Variants in CNTNAP2 observed in about 807,000 individuals in gnomAD.
The protein encoded by CNTNAP2 is contactin-associated protein-like 2.
Under a neutral mutation model 155.2 loss-of-function variants are expected in CNTNAP2, and 98 were observed. That is an observed-to-expected ratio of 0.63 (90% CI 0.54 to 0.75). The LOEUF is 0.75. Among genes scored for constraint, CNTNAP2 ranks in the 30% least tolerant of loss-of-function variants. The pLI is 0.00. For missense variants in CNTNAP2, 1,727 were observed against 1,688.1 expected (o/e 1.02, Z -0.40); for synonymous variants, 651 against 631.2 (o/e 1.03, Z -0.47).
chr7:146,650,924 G>C (rs915992190), intron 1 of CNTNAP2, among the ~76,000 whole-genome samples: 2 of 152,112 alleles, frequency 1.3e-5, no homozygotes, highest in Admixed American at 1.3e-4. Context: ...GGAGGCTGAG[G>C]TGTGAGAATT....
At chr7:148,397,540 T>C (rs1799495532) in intron 22 of CNTNAP2, among the ~76,000 whole-genome samples, 1 of 152,256 alleles carries the variant, frequency 6.6e-6, no homozygotes, top group Non-Finnish European at 1.5e-5. Flanking sequence ...TGGAAGGATA[T>C]GTAATTTGCA....
At chr7:146,402,389 G>C (rs1795727206) in intron 1 of CNTNAP2, among the ~76,000 whole-genome samples, 2 of 152,024 alleles carry the variant, frequency 1.3e-5, no homozygotes, top group African/African-American at 4.8e-5. Flanking sequence ...AATCTCTCCT[G>C]CTTGGTTCAG....
chr7:147,599,751 C>T (rs937809101), intron 12 of CNTNAP2, among the ~76,000 whole-genome samples: 7 of 152,096 alleles, frequency 4.6e-5, no homozygotes, highest in African/African-American at 1.4e-4. Flanking sequence ...ATGTTCAGAT[C>T]CCCTTTTCCT....
chr7:147,112,361 T>C (rs1038819050), intron 5 of CNTNAP2, among the ~76,000 whole-genome samples: 1 of 152,130 alleles, frequency 6.6e-6, no homozygotes, highest in South Asian at 2.1e-4. Context: ...ATACCCTTTG[T>C]TTCTTTCTCT....
At chr7:147,869,977 G>C (rs954092048) in intron 13 of CNTNAP2, among the ~76,000 whole-genome samples, 9 of 152,098 alleles carry the variant, frequency 5.9e-5, no homozygotes, top group African/African-American at 2.2e-4. Context: ...GGTTGAGGGA[G>C]ACATTAAACT....
chr7:147,769,255 A>G (rs944126157), intron 13 of CNTNAP2, among the ~76,000 whole-genome samples: 4 of 152,114 alleles, frequency 2.6e-5, no homozygotes, highest in African/African-American at 9.7e-5. Context: ...TTTCAAGTAT[A>G]CTTTCCAAAA....
intron 4 of CNTNAP2, among the ~76,000 whole-genome samples, chr7:147,103,787 C>T (rs568029276): frequency 1.1e-4 from 17 of 151,916 alleles, no homozygotes; most frequent in African/African-American, 3.9e-4. Flanking sequence ...TATGATTCCA[C>T]AACTCTGTGA....
chr7:146,721,889 A>ATATATATATATTTTTTTTTTT, intron 1 of CNTNAP2, among the ~76,000 whole-genome samples: 1 of 69,738 alleles, frequency 1.4e-5, no homozygotes, highest in African/African-American at 1.9e-4. Flanking sequence ...ATATATATAT[A>ATATATATATATTTTTTTTTTT]TTTTTTTTTT....
intron 21 of CNTNAP2, among the ~76,000 whole-genome samples, chr7:148,345,679 G>A (rs1028466996): frequency 3.9e-5 from 6 of 152,070 alleles, no homozygotes; most frequent in African/African-American, 1.2e-4. Context: ...CACCGTGCCC[G>A]GCCGTCACTA....
At chr7:148,129,862 G>A (rs1804794970) in intron 16 of CNTNAP2, among the ~76,000 whole-genome samples, 1 of 152,240 alleles carries the variant, frequency 6.6e-6, no homozygotes, top group Non-Finnish European at 1.5e-5. Context: ...CAGCCAAGCA[G>A]CACCTTAACT....
At chr7:148,118,399 T>A in intron 16 of CNTNAP2, 111 bp downstream of exon 16, 1 of 1,223,482 alleles carries the variant, frequency 8.2e-7, no homozygotes, top group Non-Finnish European at 1.2e-6. Context: ...GTTTCCTTTG[T>A]TCCAGGAGCA....
rs544382370 is a variant in CNTNAP2, at chr7:146,386,008, G to A, written c.97+269035G>A. The stretch of plus-strand genomic sequence containing the variant: ...GATAGTACTAAAACAGGCTTATAAT[G>A]AAAAATAGCAGATTACTGGCCTCAT... On this transcript the variant is annotated intron_variant, in intron 1 of 23. Transcript: ENST00000361727. 1.1e-4 allele frequency among the ~76,000 whole-genome samples: 16 copies of A among 152,206 alleles called. No homozygotes were observed. The East Asian group carries it at 3.1e-3, about 29-fold the overall frequency.
At chr7:148,394,824 C>G (rs1799430899) in intron 22 of CNTNAP2, among the ~76,000 whole-genome samples, 1 of 152,080 alleles carries the variant, frequency 6.6e-6, no homozygotes, top group Non-Finnish European at 1.5e-5. Context: ...AGGAGATAAG[C>G]AGCCTTGAGG....
chr7:146,271,556 A>G (rs1378737341), intron 1 of CNTNAP2, among the ~76,000 whole-genome samples: 2 of 151,800 alleles, frequency 1.3e-5, no homozygotes, highest in African/African-American at 4.8e-5. Flanking sequence ...TCACTCATAC[A>G]TTAAGAACTT....
intron 3 of CNTNAP2, among the ~76,000 whole-genome samples, chr7:146,961,284 G>C (rs887519744): frequency 2.8e-4 from 42 of 152,192 alleles, no homozygotes; most frequent in African/African-American, 9.9e-4. Context: ...GACTGCTTCC[G>C]GGGCAGGTCC....
intron 1 of CNTNAP2, among the ~76,000 whole-genome samples, chr7:146,593,005 G>A (rs12671107): frequency 0.17 from 25,313 of 151,754 alleles, 2,806 homozygotes; most frequent in East Asian, 0.49. Flanking sequence ...GGTCGTTCTC[G>A]GGGTATGCTT....
At chr7:147,733,112 C>T (rs561674123) in intron 13 of CNTNAP2, among the ~76,000 whole-genome samples, 5 of 152,306 alleles carry the variant, frequency 3.3e-5, no homozygotes, top group African/African-American at 1.2e-4. Context: ...TTGCCCATGC[C>T]TATGTCCTGA....
chr7:146,226,306 G>A (rs1799291810), intron 1 of CNTNAP2, among the ~76,000 whole-genome samples: 1 of 152,074 alleles, frequency 6.6e-6, no homozygotes, highest in Non-Finnish European at 1.5e-5. Flanking sequence ...AATTTATATG[G>A]GATGGTAAAG....
chr7:146,118,710 A>C (rs1026033667), intron 1 of CNTNAP2, among the ~76,000 whole-genome samples: 1 of 152,162 alleles, frequency 6.6e-6, no homozygotes, highest in South Asian at 2.1e-4. Context: ...TAAGATAAAA[A>C]AGTTGTTATT....
Sources: gnomAD v4.1 joint callset for allele counts (sites outside exome capture counted in the v4.1 genomes callset) on GRCh38, gnomAD v4.1.1 for gene constraint, MANE v1.5 for transcripts, NCBI Gene and HGNC (gene_info 2026-07-23, HGNC 2026-07-21) for gene names.